The following NELL1 variants were observed in gnomAD, a reference collection of about 807,000 sequenced individuals.
NELL1 encodes protein kinase C-binding protein NELL1.
Under a neutral mutation model 107.4 loss-of-function variants are expected in NELL1, and 76 were observed. That is an observed-to-expected ratio of 0.71 (90% confidence interval 0.59 to 0.86). NELL1 has a LOEUF of 0.86. Ranked by LOEUF, NELL1 falls within the 40% of genes least tolerant of loss-of-function variation. The pLI is 0.00. For missense variants in NELL1, 1,024 were observed against 1,005.5 expected, an observed-to-expected ratio of 1.02 and a Z score of -0.25; for synonymous variants, 353 against 341.2, an observed-to-expected ratio of 1.03 and a Z score of -0.38.
At chr11:20,671,795 G>A (rs192578434) in intron 1 of NELL1, among the ~76,000 whole-genome samples, 4 of 152,234 alleles carry the variant, frequency 2.6e-5, no homozygotes, top group Non-Finnish European at 5.9e-5. Flanking sequence ...GGAGAGGTAG[G>A]AGTATAAGTT....
intron 14 of NELL1, among the ~76,000 whole-genome samples, chr11:21,321,259 G>A (rs1850002951): frequency 1.3e-5 from 2 of 152,086 alleles, no homozygotes; most frequent in African/African-American, 4.8e-5. Context: ...TTCCTACCCA[G>A]CATCAGCAAT....
chr11:21,075,634 G>A (rs1226274651), intron 12 of NELL1, among the ~76,000 whole-genome samples: 1 of 151,988 alleles, frequency 6.6e-6, no homozygotes, highest in East Asian at 1.9e-4. Context: ...GCAGAGACAT[G>A]GGGTTCCATT....
Position 20,823,670 on chromosome 11 carries a change from A to G in NELL1, c.336-23913A>G, listed in dbSNP as rs774710209. Among the ~76,000 whole-genome samples the G allele has an allele frequency of 2.1e-4, 32 of 151,256 alleles. 1 individual carries two copies. Among genetic ancestry groups the G allele is most frequent in the Non-Finnish European group, 3.4e-4 (23 of 67,596 alleles). ...TTTGGTCTGGGAATGTCAGTTTTAA[A>G]TAAGTTTCCAGGTGATTCTAATGCA... On this transcript the variant is annotated intron_variant, in intron 3 of 19. Transcript: ENST00000357134.
intron 14 of NELL1, among the ~76,000 whole-genome samples, chr11:21,281,569 C>T (rs1345441703): frequency 6.6e-6 from 1 of 152,016 alleles, no homozygotes; most frequent in Non-Finnish European, 1.5e-5. Context: ...TAGGGGGTAG[C>T]CAGTTAGTGG....
intron 15 of NELL1, among the ~76,000 whole-genome samples, chr11:21,424,599 C>T (rs1332841791): frequency 6.6e-6 from 1 of 151,940 alleles, no homozygotes; most frequent in Non-Finnish European, 1.5e-5. Flanking sequence ...CCAGCCTGGG[C>T]AACAGAGCAA....
At chr11:21,419,221 C>G (rs1852597106) in intron 15 of NELL1, among the ~76,000 whole-genome samples, 1 of 152,026 alleles carries the variant, frequency 6.6e-6, no homozygotes, top group South Asian at 2.1e-4. Context: ...GCATCAAATC[C>G]TGGTAAAGGT....
chr11:20,857,611 C>T (rs77778274), intron 4 of NELL1, among the ~76,000 whole-genome samples: 4,369 of 152,256 alleles, frequency 0.029, 190 homozygotes, highest in African/African-American at 0.1. Flanking sequence ...AGGAACGCAT[C>T]TTCACCGGCA....
chr11:20,707,924 G>T (rs1855011005), intron 2 of NELL1, among the ~76,000 whole-genome samples: 1 of 152,240 alleles, frequency 6.6e-6, no homozygotes, highest in Non-Finnish European at 1.5e-5. Context: ...CTTTTCTTCA[G>T]CTATGCCCTG....
intron 14 of NELL1, among the ~76,000 whole-genome samples, chr11:21,314,728 T>A (rs1849835974): frequency 6.6e-6 from 1 of 152,174 alleles, no homozygotes; most frequent in African/African-American, 2.4e-5. Flanking sequence ...TATATAAAAT[T>A]TAGCCTTATA....
intron 15 of NELL1, among the ~76,000 whole-genome samples, chr11:21,421,955 C>A (rs1852684097): frequency 1.3e-5 from 2 of 152,092 alleles, no homozygotes; most frequent in Admixed American, 6.5e-5. Context: ...AGATTTTTCA[C>A]CAAAACTTTG....
intron 5 of NELL1, among the ~76,000 whole-genome samples, chr11:20,893,579 T>C (rs1335655937): frequency 6.6e-6 from 1 of 151,262 alleles, no homozygotes; most frequent in Non-Finnish European, 1.5e-5. Context: ...ATAATAGAAA[T>C]CATGTTTAAC....
chr11:21,322,045 T>C (rs1850022381), intron 14 of NELL1, among the ~76,000 whole-genome samples: 1 of 152,196 alleles, frequency 6.6e-6, no homozygotes, highest in Admixed American at 6.6e-5. Context: ...AGACTGTGCT[T>C]ACTTTCTGGG....
At chr11:21,049,273 A>G (rs1019048545) in intron 12 of NELL1, among the ~76,000 whole-genome samples, 4 of 152,210 alleles carry the variant, frequency 2.6e-5, no homozygotes, top group Admixed American at 1.3e-4. Context: ...CACTTCCAGA[A>G]TCGGAAGGAA....
chr11:21,006,318 TCTCACCATGCGATGCCTTCTGC>T (rs1852326889), intron 12 of NELL1, among the ~76,000 whole-genome samples: 1 of 152,124 alleles, frequency 6.6e-6, no homozygotes, highest in Non-Finnish European at 1.5e-5. Context: ...GCTCTTGCCC[TCTCACCATGCGATGCCTTCTGC>T]CACGTTATAA....
intron 14 of NELL1, among the ~76,000 whole-genome samples, chr11:21,272,283 G>A (rs989489942): frequency 2.0e-5 from 3 of 152,196 alleles, no homozygotes; most frequent in Non-Finnish European, 2.9e-5. Flanking sequence ...AGGGCCCTAC[G>A]CCCATGGAGT....
intron 3 of NELL1, among the ~76,000 whole-genome samples, chr11:20,790,715 C>T (rs1002944640): frequency 1.3e-5 from 2 of 152,198 alleles, no homozygotes; most frequent in African/African-American, 4.8e-5. Context: ...CTCCTGCCTG[C>T]TCTACGGGGC....
intron 11 of NELL1, among the ~76,000 whole-genome samples, chr11:20,950,451 C>A (rs979180112): frequency 1.3e-5 from 2 of 152,212 alleles, no homozygotes; most frequent in Non-Finnish European, 2.9e-5. Context: ...ATAATCATCT[C>A]TCACAATTTT....
chr11:21,008,712 G>A (rs1222509874), intron 12 of NELL1, among the ~76,000 whole-genome samples: 1 of 152,028 alleles, frequency 6.6e-6, no homozygotes, highest in Non-Finnish European at 1.5e-5. Context: ...CAAGAATGAG[G>A]GGCAGGTGAA....
intron 15 of NELL1, among the ~76,000 whole-genome samples, chr11:21,515,462 C>A (rs1379943490): frequency 6.6e-6 from 1 of 152,150 alleles, no homozygotes; most frequent in East Asian, 1.9e-4. Context: ...ACTTTCTTCT[C>A]CATCCCCCAG....
Sources: gnomAD v4.1 joint callset for allele counts (sites outside exome capture counted in the v4.1 genomes callset) on GRCh38, gnomAD v4.1.1 for gene constraint, MANE v1.5 for transcripts, NCBI Gene and HGNC (gene_info 2026-07-23, HGNC 2026-07-21) for gene names.